MTMR7: variants seen among roughly 807,000 people sequenced by gnomAD.
The protein encoded by MTMR7 is phosphatidylinositol-3-phosphate phosphatase MTMR7.
A neutral mutation model predicts 81.2 loss-of-function variants in MTMR7; 76 were observed. That is an observed-to-expected ratio of 0.94 (90% CI 0.78 to 1.13). MTMR7 has a LOEUF of 1.13. MTMR7 is among the 50% of genes most tolerant of loss of function. The pLI is 0.00. For synonymous variants in MTMR7, 372 were observed against 289.8 expected (o/e 1.28, Z -2.88); for missense variants, 1,044 against 820.0 (o/e 1.27, Z -3.34).
intron 1 of MTMR7, among the ~76,000 whole-genome samples, chr8:17,390,923 G>A (rs971967239): frequency 3.3e-5 from 5 of 152,242 alleles, no homozygotes; most frequent in African/African-American, 1.2e-4. Context: ...TACAATCCAA[G>A]ATGGGATTTG....
chr8:17,302,712 C>A (rs921574502), intron 12 of MTMR7, among the ~76,000 whole-genome samples: 1 of 72,330 alleles, frequency 1.4e-5, no homozygotes, highest in African/African-American at 3.8e-5. Context: ...AACCCCCCCC[C>A]CCCCGCTTTT....
intron 13 of MTMR7, chr8:17,301,522 T>G (rs1299251128): frequency 2.0e-5 from 3 of 152,172 alleles, no homozygotes; most frequent in African/African-American, 4.8e-5. Context: ...AGAGAAAATC[T>G]CAAATGCCAG....
intron 6 of MTMR7, 24 bp downstream of exon 6, chr8:17,341,339 A>G: frequency 6.2e-7 from 1 of 1,613,316 alleles, no homozygotes; most frequent in Non-Finnish European, 8.5e-7. Flanking sequence ...GTGCAAAGAC[A>G]TGCATCGCAA....
intron 12 of MTMR7, among the ~76,000 whole-genome samples, chr8:17,302,764 G>A (rs1394489390): frequency 8.1e-6 from 1 of 123,442 alleles, no homozygotes; most frequent in Non-Finnish European, 1.6e-5. Flanking sequence ...CCAAACCGAA[G>A]TGCAGTGGTG....
intron 1 of MTMR7, among the ~76,000 whole-genome samples, chr8:17,377,314 C>T (rs1214814914): frequency 6.6e-6 from 1 of 152,038 alleles, no homozygotes; most frequent in African/African-American, 2.4e-5. Flanking sequence ...TATTATAATA[C>T]CTTTACAAAT....
intron 1 of MTMR7, among the ~76,000 whole-genome samples, chr8:17,378,319 T>A (rs1012448633): frequency 6.6e-6 from 1 of 152,220 alleles, no homozygotes; most frequent in Admixed American, 6.5e-5. Context: ...AATTCAGTTG[T>A]CTTAGAAACG....
intron 6 of MTMR7, chr8:17,339,132 C>T (rs1030678708): frequency 6.6e-6 from 1 of 152,186 alleles, no homozygotes; most frequent in African/African-American, 2.4e-5. Flanking sequence ...TCTGGGATCA[C>T]CAATGAGTGT....
intron 4 of MTMR7, among the ~76,000 whole-genome samples, chr8:17,353,613 G>C (rs888122813): frequency 1.3e-5 from 2 of 152,130 alleles, no homozygotes; most frequent in East Asian, 1.9e-4. Flanking sequence ...TCAGGATTTT[G>C]TCTGGTTTGG....
chr8:17,400,370 C>G (rs7839606), intron 1 of MTMR7, among the ~76,000 whole-genome samples: 12,779 of 152,098 alleles, frequency 0.084, 1,660 homozygotes, highest in African/African-American at 0.28. Context: ...CTGTAAGAGG[C>G]AGAGTGAGGA....
At chr8:17,364,061 G>A (rs1254149057) in intron 3 of MTMR7, among the ~76,000 whole-genome samples, 4 of 113,724 alleles carry the variant, frequency 3.5e-5, no homozygotes, top group African/African-American at 7.0e-5. Context: ...ACGGAGTCTC[G>A]CTCTGTCGCC....
chr8:17,387,049 C>G (rs888071057), intron 1 of MTMR7, among the ~76,000 whole-genome samples: 1 of 152,230 alleles, frequency 6.6e-6, no homozygotes, highest in Non-Finnish European at 1.5e-5. Context: ...GGGCCTTCCA[C>G]AACCTAGCCC....
Position 17,299,640 on chromosome 8 carries a change from A to G in MTMR7, c.*222T>C, listed in dbSNP as rs1586120925. On this transcript the variant is annotated 3_prime_UTR_variant, in exon 14 of 14. Transcript: ENST00000180173. Reference sequence around the variant, plus strand: ...TTTTCATAGTCTAGGGTGAGCTTCAAAATGGTGAATAATTTTCCTTATATT... The same window carrying G: ...TTTTCATAGTCTAGGGTGAGCTTCAGAATGGTGAATAATTTTCCTTATATT... 8.6e-6 allele frequency: 5 copies of G among 584,720 alleles called. No homozygotes were observed. Among genetic ancestry groups the G allele is most frequent in the African/African-American group, 1.9e-5 (1 of 53,630 alleles). The allele number at this position is 584,720 out of a possible 1,614,324, so 36.2% of individuals were successfully genotyped here. A position where few individuals can be genotyped will look rare whatever the true frequency, so the allele number is the denominator to read the frequency against.
At chr8:17,392,425 G>C (rs1202028254) in intron 1 of MTMR7, among the ~76,000 whole-genome samples, 1 of 152,156 alleles carries the variant, frequency 6.6e-6, no homozygotes, top group East Asian at 1.9e-4. Context: ...AAGGTGTACA[G>C]TGCCTTAAAA....
chr8:17,384,402 C>A (rs548605758), intron 1 of MTMR7, among the ~76,000 whole-genome samples: 4 of 152,190 alleles, frequency 2.6e-5, no homozygotes, highest in East Asian at 1.9e-4. Flanking sequence ...CAGAGTGAGA[C>A]CCTAACTCTA....
intron 1 of MTMR7, among the ~76,000 whole-genome samples, chr8:17,387,465 G>C (rs956948277): frequency 1.3e-5 from 2 of 152,198 alleles, no homozygotes; most frequent in Admixed American, 1.3e-4. Flanking sequence ...TGTAAAGTAA[G>C]GGGGAAAGGA....
chr8:17,345,466 GC>G (rs1175726270), intron 5 of MTMR7, among the ~76,000 whole-genome samples: 1 of 152,192 alleles, frequency 6.6e-6, no homozygotes, highest in East Asian at 1.9e-4. Flanking sequence ...AACCTCATGT[GC>G]CCCTTCATGG....
intron 3 of MTMR7, among the ~76,000 whole-genome samples, chr8:17,364,432 A>C (rs1448499030): frequency 6.6e-6 from 1 of 152,234 alleles, no homozygotes; most frequent in Admixed American, 6.5e-5. Flanking sequence ...TTGTAACGAG[A>C]ACATCTGAAA....
intron 4 of MTMR7, among the ~76,000 whole-genome samples, chr8:17,355,308 CAT>C (rs879576484): frequency 4.3e-4 from 65 of 152,220 alleles, no homozygotes; most frequent in African/African-American, 1.5e-3. Context: ...AGTCTGATTA[CAT>C]GAGTCAGATA....
At chr8:17,352,247 G>A (rs748906597) in intron 4 of MTMR7, among the ~76,000 whole-genome samples, 20 of 152,110 alleles carry the variant, frequency 1.3e-4, no homozygotes, top group Non-Finnish European at 2.2e-4. Context: ...AATAAAGACA[G>A]ACAAATAGGC....
Sources: allele counts gnomAD v4.1 joint callset (sites outside exome capture counted in the v4.1 genomes callset), GRCh38; gene constraint gnomAD v4.1.1; transcripts MANE v1.5; gene names NCBI Gene and HGNC (gene_info 2026-07-23, HGNC 2026-07-21).